Variants in FGB observed in about 807,000 individuals in gnomAD.
FGB encodes the protein fibrinogen beta chain.
In FGB, 25 loss-of-function variants were observed where a neutral mutation model predicts 57.9. That is an observed-to-expected ratio of 0.43 (90% CI 0.31 to 0.60). FGB has a LOEUF of 0.60. Ranked by LOEUF, FGB falls within the 20% of genes least tolerant of loss-of-function variation. The pLI is 0.08. For missense variants in FGB, 536 were observed against 598.4 expected (o/e 0.90, Z 1.09); for synonymous variants, 203 against 199.2 (o/e 1.02, Z -0.16).
chr4:154,568,396 T>A lies in FGB; in HGVS notation c.734T>A (p.Ile245Asn). The change falls in exon 5 of 8, where the codon ATC (isoleucine) becomes AAC (asparagine). Residue 245 changes from isoleucine (I) to asparagine (N), a missense_variant. Around this residue, in one of 3 missense-constraint regions of FGB, gnomAD observed 354 missense variants for 383.4 expected, o/e 0.92. Coordinates refer to ENST00000302068, the MANE Select transcript of FGB (RefSeq NM_005141.5). ...ACATTTGCAGAATGTGAGGAAATTA[T>A]CAGGAAAGGAGGTGAAACATCTGAA... Reference protein sequence around the residue: ...VVSGKECEEIIRKGGETSEMY... With the variant: ...VVSGKECEEINRKGGETSEMY... 1 of 1,588,836 alleles carries A rather than the reference T, an allele frequency of 6.3e-7. No homozygotes were observed. Among genetic ancestry groups the A allele is most frequent in the East Asian group, 2.2e-5 (1 of 44,746 alleles).
rs2227411 is a variant in FGB, at chr4:154,567,933, A to G, written c.718+113A>G. Reference sequence around the variant, plus strand: ...AAGTGGATTTTCCCAACAGATCATAATGACATTACAGTACATCATAAAAAT... The same window carrying G: ...AAGTGGATTTTCCCAACAGATCATAGTGACATTACAGTACATCATAAAAAT... On this transcript the variant is annotated intron_variant, in intron 4 of 7. Transcript: ENST00000302068. The G allele has an allele frequency of 0.17, 140,167 of 835,972 alleles. 12,909 individuals carry two copies. Among genetic ancestry groups the G allele is most frequent in the Middle Eastern group, 0.21 (980 of 4,592 alleles). 51.8% of individuals were successfully genotyped at this position (835,972 alleles called of 1,614,324 possible).
chr4:154,570,575 G>A lies in FGB; in HGVS notation c.1401G>A (p.Trp467Ter). The A allele has an allele frequency of 6.2e-7, 1 of 1,614,140 alleles. No individual in the cohort carries two copies. Among genetic ancestry groups the A allele is most frequent in the South Asian group, 1.1e-5 (1 of 91,086 alleles). The change falls in exon 8 of 8, where the codon TGG (tryptophan) becomes TGA (stop). Residue 467 changes from tryptophan to a stop codon, truncating the protein, a stop_gained. Coordinates refer to ENST00000302068, the MANE Select transcript of FGB (RefSeq NM_005141.5). LOFTEE classifies it high-confidence loss of function. Reference protein sequence around the residue: ...AKHGTDDGVVWMNWKGSWYSM... With the variant: ...AKHGTDDGVV ...ATGGCACAGATGATGGTGTAGTATG[G>A]ATGAATTGGAAGGGGTCATGGTACT...
At chr4:154,568,314 A>G in intron 4 of FGB, 67 bp from the exon 5 acceptor site, 1 of 842,394 alleles carries the variant, frequency 1.2e-6, no homozygotes. Flanking sequence ...ATTTTAAAGA[A>G]TTGGTGACTA....
In FGB at chr4:154,568,373, A is replaced by G. The variant is rs1483344467; in HGVS notation, c.719-8A>G. 5.6e-6 allele frequency: 8 copies of G among 1,428,550 alleles called. No homozygotes were observed. Among genetic ancestry groups the G allele is most frequent in the Middle Eastern group, 1.7e-4 (1 of 5,742 alleles). The allele number at this position is 1,428,550 out of a possible 1,614,324, so 88.5% of individuals were successfully genotyped here. A position where few individuals can be genotyped will look rare whatever the true frequency, so the allele number is the denominator to read the frequency against. ...ACCCCTGAACATAATGTTGTCTTACATTTGCAGAATGTGAGGAAATTATCA... is the reference window on the plus strand; with the variant it reads ...ACCCCTGAACATAATGTTGTCTTACGTTTGCAGAATGTGAGGAAATTATCA... On this transcript the variant is annotated splice_polypyrimidine_tract_variant and splice_region_variant and intron_variant, in intron 4 of 7. Coordinates refer to ENST00000302068, the MANE Select transcript of FGB (RefSeq NM_005141.5).
At chr4:154,565,335 C>A in intron 1 of FGB, 1 of 300,352 alleles carries the variant, frequency 3.3e-6, no homozygotes, top group Admixed American at 4.9e-5. Context: ...CAAGTAGAAT[C>A]AACCTTTAAT....
rs150838423 is a variant in FGB, at chr4:154,567,705, C to T, written c.603C>T (p.Ile201=). Residue 201 remains isoleucine, a synonymous_variant, in exon 4 of 8, where the codon ATC becomes ATT. Transcript: ENST00000302068. ...CTAACCTTCGTGTGCTTCGTTCAAT[C>T]CTGGAAAACCTGAGAAGCAAAATAC... ...IPTNLRVLRS[I]LENLRSKIQK... is the part of the protein sequence containing the mutation. The T allele has an allele frequency of 3.1e-6, 5 of 1,613,694 alleles. No individual in the cohort carries two copies. The African/African-American group carries it at 4.0e-5, about 13-fold the overall frequency.
Position 154,567,905 on chromosome 4 carries a change from G to A in FGB, c.718+85G>A. ...AGAGAACAACAACAACAACAAAAAT[G>A]CTAAGTGGATTTTCCCAACAGATCA... is the stretch of plus-strand genomic sequence containing the variant. On this transcript the variant is annotated intron_variant, in intron 4 of 7. Coordinates refer to ENST00000302068, the MANE Select transcript of FGB (RefSeq NM_005141.5). The A allele has an allele frequency of 5.1e-6, 5 of 985,468 alleles. No homozygotes were observed. In the South Asian group the frequency reaches 6.4e-5, roughly 13 times the overall value. The allele number at this position is 985,468 out of a possible 1,614,324, so 61.0% of individuals were successfully genotyped here.
At chr4:154,566,063 C>T in intron 2 of FGB, 64 bp downstream of exon 2, 1 of 1,413,206 alleles carries the variant, frequency 7.1e-7, no homozygotes, top group Non-Finnish European at 9.9e-7. Context: ...GTAGTCATGG[C>T]AGTCTGCTAA....
intron 7 of FGB, among the ~76,000 whole-genome samples, chr4:154,570,018 T>C (rs1730352528): frequency 6.6e-6 from 1 of 152,234 alleles, no homozygotes; most frequent in Non-Finnish European, 1.5e-5. Flanking sequence ...ATTTGTCCAA[T>C]GTCACACAAC....
chr4:154,563,374 T>C (rs954897205), intron 1 of FGB, among the ~76,000 whole-genome samples: 1 of 151,914 alleles, frequency 6.6e-6, no homozygotes, highest in Non-Finnish European at 1.5e-5. Context: ...GCTTAGCTAA[T>C]GTAAGATGTG....
rs1348755101 is a variant in FGB at position 154,566,104 on chromosome 4, T to C, written c.306+105T>C. On this transcript the variant is annotated intron_variant, in intron 2 of 7. Transcript: ENST00000302068. ...CACTGACCCACATTACCATCACTGTTATTTTGTTTGTTTATTTTGGAAATA... is the reference window on the plus strand; with the variant it reads ...CACTGACCCACATTACCATCACTGTCATTTTGTTTGTTTATTTTGGAAATA... 4.2e-6 allele frequency: 4 copies of C among 960,430 alleles called. No homozygotes were observed. The African/African-American group carries it at 6.6e-5, about 16-fold the overall frequency. 59.5% of individuals were successfully genotyped at this position (960,430 alleles called of 1,614,324 possible).
At chr4:154,568,807 A>G (rs888149212) in intron 5 of FGB, among the ~76,000 whole-genome samples, 6 of 151,616 alleles carry the variant, frequency 4.0e-5, no homozygotes, top group African/African-American at 1.5e-4. Context: ...AGTCTTGATC[A>G]TGCTACTGAA....
intron 7 of FGB, among the ~76,000 whole-genome samples, chr4:154,570,082 T>C (rs911149188): frequency 6.6e-6 from 1 of 152,228 alleles, no homozygotes; most frequent in Non-Finnish European, 1.5e-5. Context: ...ATAATGAGCA[T>C]TTAGATAAAT....
intron 1 of FGB, among the ~76,000 whole-genome samples, chr4:154,563,405 G>C (rs2110752124): frequency 6.6e-6 from 1 of 151,932 alleles, no homozygotes; most frequent in South Asian, 2.1e-4. Context: ...TTGCTATTCT[G>C]AGTACTGTGA....
chr4:154,569,589 A>G lies in FGB; in HGVS notation c.1034A>G (p.Glu345Gly), dbSNP rs1418426334. The G allele has an allele frequency of 1.2e-6, 2 of 1,613,998 alleles. No individual in the cohort carries two copies. Among genetic ancestry groups the G allele is most frequent in the Non-Finnish European group, 1.7e-6 (2 of 1,179,996 alleles). The change falls in exon 7 of 8, where the codon GAG becomes GGG. Residue 345 changes from glutamate to glycine, a missense_variant. Glu to Gly is a moderately conservative substitution (Grantham distance 98). This residue lies in a region of FGB where 177 missense variants were observed against 193.7 expected (regional missense o/e 0.91). Coordinates refer to ENST00000302068, the MANE Select transcript of FGB (RefSeq NM_005141.5). ...MGPTELLIEMEDWKGDKVKAH... is the reference protein window; with the variant it reads ...MGPTELLIEMGDWKGDKVKAH... ...CCCACAGAACTTTTGATAGAAATGG[A>G]GGACTGGAAAGGAGACAAAGTAAAG...
chr4:154,569,059 G>C, intron 5 of FGB, 123 bp from the exon 6 acceptor site: 1 of 1,057,612 alleles, frequency 9.5e-7, no homozygotes, highest in South Asian at 1.3e-5. Context: ...TTTCCTTATT[G>C]TGTCTATTTT....
At chr4:154,566,151 T>C in intron 2 of FGB, 152 bp downstream of exon 2, 1 of 819,186 alleles carries the variant, frequency 1.2e-6, no homozygotes, top group South Asian at 1.9e-5. Context: ...ATAAACATAT[T>C]GGGCCTTTGG....
At chr4:154,566,911 G>A (rs764008583) in intron 3 of FGB, among the ~76,000 whole-genome samples, 1 of 152,124 alleles carries the variant, frequency 6.6e-6, no homozygotes, top group Non-Finnish European at 1.5e-5. Context: ...CTTATTTTAA[G>A]TATACAAGAA....
In FGB at chr4:154,569,251, A is replaced by G; in HGVS notation, c.902A>G (p.Gln301Arg). The change falls in exon 6 of 8, where the codon CAG becomes CGG. Residue 301 changes from glutamine to arginine, a missense_variant. By Grantham distance (43) the Gln-to-Arg change is conservative. This residue lies in a region of FGB where 354 missense variants were observed against 383.4 expected (regional missense o/e 0.92). Transcript: ENST00000302068. ...DFGRKWDPYK[Q>R]GFGNVATNTD... ...GGCAGGAAATGGGATCCATATAAAC[A>G]GGGATTTGGAAATGTTGCAACCAAC... The G allele has an allele frequency of 6.2e-7, 1 of 1,614,152 alleles. No individual in the cohort carries two copies. The highest frequency in any genetic ancestry group is 8.5e-7 in the Non-Finnish European group (1 of 1,179,986).
Sources: allele counts gnomAD v4.1 joint callset (sites outside exome capture counted in the v4.1 genomes callset), GRCh38; gene constraint gnomAD v4.1.1; regional missense constraint gnomAD v4.1.1; transcripts MANE v1.5; gene names NCBI Gene and HGNC (gene_info 2026-07-23, HGNC 2026-07-21).